The following PEAK1 variants were observed in gnomAD, a reference collection of about 807,000 sequenced individuals.
PEAK1 encodes the protein inactive tyrosine-protein kinase PEAK1.
A neutral mutation model predicts 124.7 loss-of-function variants in PEAK1; 54 were observed. The ratio of observed to expected loss-of-function variants is 0.43; its 90% CI spans 0.35 to 0.54. The LOEUF (loss-of-function observed/expected upper bound fraction) is 0.54, where lower values mean the gene tolerates loss of function less well. Among genes scored for constraint, PEAK1 ranks in the 20% least tolerant of loss-of-function variants. The probability of loss-of-function intolerance (pLI) is 0.01; values close to 1 mark genes in which losing one functional copy is unlikely to be tolerated. For missense variants in PEAK1, 2,046 were observed against 2,134.5 expected, an observed-to-expected ratio of 0.96 and a Z score of 0.82; for synonymous variants, 719 against 760.0, an observed-to-expected ratio of 0.95 and a Z score of 0.89.
intron 2 of PEAK1, chr15:77,346,282 C>G: frequency 1.1e-6 from 1 of 941,264 alleles, no homozygotes; most frequent in South Asian, 4.9e-5. Flanking sequence ...ACTCAGAATT[C>G]AAATTGCAGC....
Position 77,335,662 on chromosome 15 carries a change from T to G in PEAK1, c.-603+29501A>C, listed in dbSNP as rs568086463. 1.0e-5 allele frequency: 7 copies of G among 698,190 alleles called. No individual in the cohort carries two copies. The South Asian group carries it at 1.9e-4, about 19-fold the overall frequency. The allele number at this position is 698,190 out of a possible 1,614,324, so 43.2% of individuals were successfully genotyped here. ...TGCAGCTAATTTTTTGCTGCTGTTG[T>G]AAAGACAGGGTCTTGCCCAGGCTGA... On this transcript the variant is annotated intron_variant, in intron 2 of 9. Coordinates refer to ENST00000682557, the MANE Select transcript of PEAK1 (RefSeq NM_001385026.1).
chr15:77,246,347 A>C (rs1218342078), intron 6 of PEAK1, among the ~76,000 whole-genome samples: 1 of 152,112 alleles, frequency 6.6e-6, no homozygotes, highest in African/African-American at 2.4e-5. Context: ...AATCTATAGA[A>C]CAATTTGAGA....
intron 2 of PEAK1, among the ~76,000 whole-genome samples, chr15:77,311,685 C>CAAAAAAAAAAAAAAAAAA (rs11296386): frequency 1.9e-4 from 16 of 85,838 alleles, no homozygotes; most frequent in Middle Eastern, 0.01. Flanking sequence ...CCAACCCCCA[C>CAAAAAAAAAAAAAAAAAA]AAAAAAAAAA....
chr15:77,334,682 AT>A, intron 2 of PEAK1: 10 of 985,060 alleles, frequency 1.0e-5, no homozygotes, highest in South Asian at 9.4e-5. Flanking sequence ...ATTTCCATCT[AT>A]TTTTTTAACA....
At chr15:77,101,064 C>T (rs1440917155) in exon 7 of PEAK1, 1 of 152,308 alleles carries the variant, frequency 6.6e-6, no homozygotes, top group South Asian at 2.1e-4. Flanking sequence ...CTAGAGGGGC[C>T]CTCAACAGCT....
rs537923591 is a variant in PEAK1 at position 77,247,654 on chromosome 15, G to C, written c.-115+4713C>G. The stretch of plus-strand genomic sequence containing the variant: ...CCGCACCTGGCTAATTTTTTTATTT[G>C]TTTTTTCAGTAGAGACAGGATTTCA... On this transcript the variant is annotated intron_variant, in intron 6 of 9. Transcript: ENST00000682557. 2.0e-5 allele frequency among the ~76,000 whole-genome samples: 3 copies of C among 151,242 alleles called. No individual in the cohort carries two copies. In the South Asian group the frequency reaches 6.3e-4, roughly 32 times the overall value.
At position 77,111,712 on chromosome 15, in the gene PEAK1, T is replaced by C. The variant is rs1296933642; in HGVS notation, c.*2444A>G. 1 of 150,832 alleles carries C rather than the reference T, an allele frequency of 6.6e-6. No homozygotes were observed. Among genetic ancestry groups the C allele is most frequent in the Non-Finnish European group, 1.5e-5 (1 of 67,762 alleles). The allele number at this position is 150,832 out of a possible 1,614,324, so 9.3% of individuals were successfully genotyped here. A position where few individuals can be genotyped will look rare whatever the true frequency, so the allele number is the denominator to read the frequency against. On this transcript the variant is annotated 3_prime_UTR_variant, in exon 10 of 10. Coordinates refer to ENST00000682557, the MANE Select transcript of PEAK1 (RefSeq NM_001385026.1). ...TAAAGTGAAGACTGGATCCAAATCATAACAGAAAAAGAGAAAGAAAAAAAA... is the reference window on the plus strand; with the variant it reads ...TAAAGTGAAGACTGGATCCAAATCACAACAGAAAAAGAGAAAGAAAAAAAA...
chr15:77,123,186 G>T (rs756330878), intron 9 of PEAK1, among the ~76,000 whole-genome samples: 1 of 151,976 alleles, frequency 6.6e-6, no homozygotes, highest in Non-Finnish European at 1.5e-5. Flanking sequence ...CCCAATTCTG[G>T]AACTGTTGGA....
chr15:77,374,144 C>T (rs1459333728), intron 1 of PEAK1, among the ~76,000 whole-genome samples: 1 of 152,152 alleles, frequency 6.6e-6, no homozygotes, highest in Non-Finnish European at 1.5e-5. Context: ...TCATTAAACT[C>T]TAATCAGTGT....
intron 2 of PEAK1, among the ~76,000 whole-genome samples, chr15:77,326,573 C>T (rs2065589587): frequency 1.3e-5 from 2 of 152,058 alleles, no homozygotes; most frequent in Non-Finnish European, 2.9e-5. Flanking sequence ...TTTCTGGATA[C>T]AAGGAATATT....
chr15:77,362,103 A>G (rs1218070338), intron 2 of PEAK1, among the ~76,000 whole-genome samples: 2 of 152,172 alleles, frequency 1.3e-5, no homozygotes, highest in African/African-American at 4.8e-5. Context: ...AGTGTTCTAT[A>G]CCACAGTAAG....
Position 77,416,031 on chromosome 15 carries a change from C to T in PEAK1, c.-666+3975G>A, listed in dbSNP as rs532023204. ...TTGTCATTCACTTTTCAACACCCAC[C>T]CCCATGCATTACAATGTAGCTAAGT... On this transcript the variant is annotated intron_variant, in intron 1 of 9. Coordinates refer to ENST00000682557, the MANE Select transcript of PEAK1 (RefSeq NM_001385026.1). Among the ~76,000 whole-genome samples, 7 of 152,308 alleles carry T rather than the reference C, an allele frequency of 4.6e-5. No homozygotes were observed. In the South Asian group the frequency reaches 1.4e-3, roughly 32 times the overall value.
chr15:77,290,037 A>G (rs2063135558), intron 2 of PEAK1, among the ~76,000 whole-genome samples: 1 of 151,968 alleles, frequency 6.6e-6, no homozygotes, highest in Admixed American at 6.6e-5. Flanking sequence ...GGCATGATTC[A>G]GCTCACCGCA....
At chr15:77,227,086 G>C (rs1175862882) in intron 6 of PEAK1, among the ~76,000 whole-genome samples, 1 of 152,160 alleles carries the variant, frequency 6.6e-6, no homozygotes, top group Non-Finnish European at 1.5e-5. Flanking sequence ...TCCTAAGCCA[G>C]CAGGTCTGAG....
Position 77,313,674 on chromosome 15 carries a change from G to A in PEAK1, c.-602-27170C>T, listed in dbSNP as rs868380763. 2.2e-3 allele frequency among the ~76,000 whole-genome samples: 260 copies of A among 116,766 alleles called. 4 individuals are homozygous for A. Among genetic ancestry groups the A allele is most frequent in the African/African-American group, 0.01 (254 of 24,606 alleles). 76.6% of individuals were successfully genotyped at this position (116,766 alleles called of 152,430 possible). A position where few individuals can be genotyped will look rare whatever the true frequency, so the allele number is the denominator to read the frequency against. Reference sequence around the variant, plus strand: ...TGTATGTGTGTGTGTGTGTGTGTGTGTGTGTGTGTGTGTGTGTGTATATAT... The same window carrying A: ...TGTATGTGTGTGTGTGTGTGTGTGTATGTGTGTGTGTGTGTGTGTATATAT... On this transcript the variant is annotated intron_variant, in intron 2 of 9. Coordinates refer to ENST00000682557, the MANE Select transcript of PEAK1 (RefSeq NM_001385026.1).
At chr15:77,412,118 GCTC>G (rs1192992512) in intron 1 of PEAK1, among the ~76,000 whole-genome samples, 2 of 152,118 alleles carry the variant, frequency 1.3e-5, no homozygotes, top group Admixed American at 6.6e-5. Context: ...ATGTGGAACT[GCTC>G]CTCCTTATCT....
chr15:77,158,600 T>C lies in PEAK1; in HGVS notation c.3234A>G (p.Thr1078=). The C allele has an allele frequency of 6.2e-7, 1 of 1,614,166 alleles. No individual in the cohort carries two copies. The highest frequency in any genetic ancestry group is 1.1e-5 in the South Asian group (1 of 91,080). ...TTTCCAGTTCAGGTAGGGACAATGCTGTTGTGACTGAAGTGCAGCCCCTGC... is the reference window on the plus strand; with the variant it reads ...TTTCCAGTTCAGGTAGGGACAATGCCGTTGTGACTGAAGTGCAGCCCCTGC... The part of the protein sequence containing the change: ...QDGRGCTSVT[T]ALSLPELERE... The change falls in exon 8 of 10, where the codon ACA becomes ACG. Residue 1078 remains threonine (T), a synonymous_variant. Coordinates refer to ENST00000682557, the MANE Select transcript of PEAK1 (RefSeq NM_001385026.1).
chr15:77,310,523 T>C (rs1444876265), intron 2 of PEAK1, among the ~76,000 whole-genome samples: 1 of 152,188 alleles, frequency 6.6e-6, no homozygotes, highest in African/African-American at 2.4e-5. Context: ...CACATTTAAG[T>C]AGTTTGCACC....
rs79742870 is a variant in PEAK1 at position 77,123,003 on chromosome 15, T to C, written c.4078-7684A>G. ...GGAGTCAAAAATGCAGTAAAAGATGTTGGTCTCCACAGTTCACCTCTACAT... is the reference window on the plus strand; with the variant it reads ...GGAGTCAAAAATGCAGTAAAAGATGCTGGTCTCCACAGTTCACCTCTACAT... On this transcript the variant is annotated intron_variant, in intron 9 of 9. Coordinates refer to ENST00000682557, the MANE Select transcript of PEAK1 (RefSeq NM_001385026.1). Among the ~76,000 whole-genome samples the C allele has an allele frequency of 7.3e-3, 1,112 of 152,226 alleles. 14 individuals are homozygous for C. Among genetic ancestry groups the C allele is most frequent in the African/African-American group, 0.025 (1,055 of 41,550 alleles).
Sources: allele counts gnomAD v4.1 joint callset (sites outside exome capture counted in the v4.1 genomes callset), GRCh38; gene constraint gnomAD v4.1.1; transcripts MANE v1.5; gene names NCBI Gene and HGNC (gene_info 2026-07-23, HGNC 2026-07-21).